The following FREM3 variants were observed in gnomAD, a reference collection of about 807,000 sequenced individuals.
FREM3 encodes the protein FRAS1-related extracellular matrix protein 3.
FREM3 carries 105 observed loss-of-function variants against 129.1 expected under a neutral mutation model. That is an observed-to-expected ratio of 0.81 (90% CI 0.69 to 0.96). The LOEUF (loss-of-function observed/expected upper bound fraction) is 0.96, where lower values mean the gene tolerates loss of function less well. Among genes scored for constraint, FREM3 ranks in the 40% least tolerant of loss-of-function variants. The pLI is 0.00. For synonymous variants in FREM3, 1,014 were observed against 1,044.9 expected, an observed-to-expected ratio of 0.97 and a Z score of 0.57; for missense variants, 2,593 against 2,666.3, an observed-to-expected ratio of 0.97 and a Z score of 0.61.
At chr4:143,582,846 G>T (rs1738170708) in intron 7 of FREM3, among the ~76,000 whole-genome samples, 1 of 151,180 alleles carries the variant, frequency 6.6e-6, no homozygotes, top group Non-Finnish European at 1.5e-5. Context: ...AACACTACAA[G>T]AATTTCATAA....
rs535379930 is a variant in FREM3 at position 143,659,786 on chromosome 4, A to C, written c.5276-32026T>G. 3.5e-3 allele frequency among the ~76,000 whole-genome samples: 523 copies of C among 151,276 alleles called. 2 individuals carry two copies. The highest frequency in any genetic ancestry group is 0.012 in the African/African-American group (508 of 41,078). ...AATGATTGCCATTCTAACTGGTGTG[A>C]GATGGTATCTCATTGTGGTTTTGAT... On this transcript the variant is annotated intron_variant, in intron 2 of 7. Coordinates refer to ENST00000329798, the MANE Select transcript of FREM3 (RefSeq NM_001168235.2).
chr4:143,700,554 T>C lies in FREM3; in HGVS notation c.122A>G (p.Asp41Gly). The change falls in exon 1 of 8, where the codon GAC becomes GGC. Residue 41 changes from aspartate to glycine, a missense_variant. Coordinates refer to ENST00000329798, the MANE Select transcript of FREM3 (RefSeq NM_001168235.2). ...GRASSLGTEP[D>G]PALYLPARGA... ...CCGGGCGGGCAGGTAAAGCGCCGGGTCGGGCTCGGTCCCAAGTGAGGATGC... is the reference window on the plus strand; with the variant it reads ...CCGGGCGGGCAGGTAAAGCGCCGGGCCGGGCTCGGTCCCAAGTGAGGATGC... 6.6e-7 allele frequency: 1 copy of C among 1,516,834 alleles called. No homozygotes were observed. Among genetic ancestry groups the C allele is most frequent in the Non-Finnish European group, 8.8e-7 (1 of 1,135,624 alleles). The allele number at this position is 1,516,834 out of a possible 1,614,324, so 94.0% of individuals were successfully genotyped here. A position where few individuals can be genotyped will look rare whatever the true frequency, so the allele number is the denominator to read the frequency against.
intron 6 of FREM3, among the ~76,000 whole-genome samples, chr4:143,598,499 A>C (rs1170800467): frequency 6.6e-6 from 1 of 152,150 alleles, no homozygotes; most frequent in Admixed American, 6.5e-5. Flanking sequence ...GGTGACACAG[A>C]AGCCAGTGTT....
chr4:143,648,951 A>T (rs1739466117), intron 2 of FREM3, among the ~76,000 whole-genome samples: 1 of 152,034 alleles, frequency 6.6e-6, no homozygotes, highest in Admixed American at 6.6e-5. Context: ...AAAAATAGAG[A>T]TAGGGTCTTG....
In FREM3 at chr4:143,614,451, C is replaced by T. The variant is rs767962333; in HGVS notation, c.5780-2924G>A. ...CCCTGGCGATTGTCTGTACATATCC[C>T]GTATTTTACAGTGAAGAGGCTTCAA... On this transcript the variant is annotated intron_variant, in intron 5 of 7. Transcript: ENST00000329798. 7.9e-5 allele frequency among the ~76,000 whole-genome samples: 12 copies of T among 152,280 alleles called. No homozygotes were observed. In the South Asian group the frequency reaches 2.5e-3, roughly 32 times the overall value.
In FREM3 at chr4:143,585,815, A is replaced by G; in HGVS notation, c.6178+29T>C. On this transcript the variant is annotated intron_variant, in intron 7 of 7. Transcript: ENST00000329798. The surrounding 1 kb of genome is among the most constrained non-coding windows in gnomAD (Gnocchi z 4.2). ...TCCACCATAAACATGTATCATGATA[A>G]TGATATATTCTTTAAGTGGCCCTCT... 2 of 1,534,694 alleles carry G rather than the reference A, an allele frequency of 1.3e-6. No homozygotes were observed. The highest frequency in any genetic ancestry group is 8.7e-7 in the Non-Finnish European group (1 of 1,144,992).
At chr4:143,626,403 G>C (rs1009294024) in intron 3 of FREM3, among the ~76,000 whole-genome samples, 3 of 152,142 alleles carry the variant, frequency 2.0e-5, no homozygotes, top group Non-Finnish European at 4.4e-5. Flanking sequence ...CAGGGGTGCT[G>C]GTTTGGACAG....
chr4:143,696,826 G>A lies in FREM3; in HGVS notation c.3850C>T (p.Leu1284=), dbSNP rs758603125. The A allele has an allele frequency of 7.4e-5, 114 of 1,537,776 alleles. 4 individuals are homozygous for A. In the South Asian group the frequency reaches 1.2e-3, roughly 16 times the overall value. The change falls in exon 1 of 8, where the codon CTG becomes TTG. Residue 1284 remains leucine (L), a synonymous_variant. Transcript: ENST00000329798. Reference sequence around the variant, plus strand: ...TGGGTTGTGTGCTTGCCGTCACTCAGCCAGACCTCAAAACTGTCCTCTTTT... The same window carrying A: ...TGGGTTGTGTGCTTGCCGTCACTCAACCAGACCTCAAAACTGTCCTCTTTT... ...ETKEDSFEVW[L]SDGKHTTHRK...
intron 6 of FREM3, among the ~76,000 whole-genome samples, chr4:143,599,853 G>A (rs913879937): frequency 2.6e-5 from 4 of 152,130 alleles, no homozygotes; most frequent in Non-Finnish European, 5.9e-5. Context: ...TGATACTAGC[G>A]CAGGATGTGG....
Position 143,693,151 on chromosome 4 carries a change from G to A in FREM3, c.5237C>T (p.Ala1746Val). ...AGAGAAATAGAAGATGTCCTTTGATGCGTTGCTGCCCTCATTCAAGACATA... is the reference window on the plus strand; with the variant it reads ...AGAGAAATAGAAGATGTCCTTTGATACGTTGCTGCCCTCATTCAAGACATA... ...ISYVLNEGSN[A>V]SKDIFYFSVE... The change falls in exon 2 of 8, where the codon GCA becomes GTA. Residue 1746 changes from alanine (A) to valine (V), a missense_variant. Physicochemically the swap from Ala to Val is moderately conservative, Grantham distance 64. Coordinates refer to ENST00000329798, the MANE Select transcript of FREM3 (RefSeq NM_001168235.2). The A allele has an allele frequency of 2.0e-6, 3 of 1,522,296 alleles. No individual in the cohort carries two copies. Among genetic ancestry groups the A allele is most frequent in the Non-Finnish European group, 2.6e-6 (3 of 1,138,260 alleles). 94.3% of individuals were successfully genotyped at this position (1,522,296 alleles called of 1,614,324 possible).
rs542056323 is a variant in FREM3 at position 143,607,792 on chromosome 4, C to T, written c.6028+3487G>A. 1.1e-3 allele frequency among the ~76,000 whole-genome samples: 167 copies of T among 152,268 alleles called. No homozygotes were observed. The Middle Eastern group carries it at 0.014, about 12-fold the overall frequency. Reference sequence around the variant, plus strand: ...TTCCTTTTGTTGCTGTAATAAATTACCACAAATTTAGTGGCTTAAAACAAC... The same window carrying T: ...TTCCTTTTGTTGCTGTAATAAATTATCACAAATTTAGTGGCTTAAAACAAC... On this transcript the variant is annotated intron_variant, in intron 6 of 7. Transcript: ENST00000329798.
At chr4:143,607,768 T>A (rs1306401317) in intron 6 of FREM3, among the ~76,000 whole-genome samples, 1 of 152,194 alleles carries the variant, frequency 6.6e-6, no homozygotes, top group Non-Finnish European at 1.5e-5. Context: ...GGTATTAGTT[T>A]CCTTTTGTTG....
Position 143,591,698 on chromosome 4 carries a change from G to C in FREM3, c.6029-5705C>G, listed in dbSNP as rs56198261. ...TTTGGAATAGGTGTGGTGTGGTGCTGAAAAGAATGTATATTCTGTTGATTT... is the reference window on the plus strand; with the variant it reads ...TTTGGAATAGGTGTGGTGTGGTGCTCAAAAGAATGTATATTCTGTTGATTT... On this transcript the variant is annotated intron_variant, in intron 6 of 7. Transcript: ENST00000329798. Among the ~76,000 whole-genome samples, 1,193 of 152,286 alleles carry C rather than the reference G, an allele frequency of 7.8e-3. 13 individuals are homozygous for C. The highest frequency in any genetic ancestry group is 0.027 in the African/African-American group (1,129 of 41,536).
At chr4:143,673,028 T>G (rs1268060156) in intron 2 of FREM3, among the ~76,000 whole-genome samples, 7 of 152,230 alleles carry the variant, frequency 4.6e-5, no homozygotes, top group African/African-American at 1.4e-4. Flanking sequence ...TTCTTTGTGA[T>G]GGGTTCGAAC....
Position 143,697,719 on chromosome 4 carries a change from A to T in FREM3, c.2957T>A (p.Phe986Tyr). The T allele has an allele frequency of 6.5e-7, 1 of 1,537,710 alleles. No individual in the cohort carries two copies. The highest frequency in any genetic ancestry group is 8.7e-7 in the Non-Finnish European group (1 of 1,147,012). The change falls in exon 1 of 8, where the codon TTC becomes TAC. Residue 986 changes from phenylalanine (F) to tyrosine (Y), a missense_variant. By Grantham distance (22) the Phe-to-Tyr change is conservative. Coordinates refer to ENST00000329798, the MANE Select transcript of FREM3 (RefSeq NM_001168235.2). ...RKDVGDLMLS[F>Y]IVKDSPKLGT... is the part of the protein sequence containing the mutation. ...CAGTTTGGGGCTGTCCTTTACAATG[A>T]AAGACAGCATCAAGTCACCTACATC...
At chr4:143,664,489 G>T (rs1739812416) in intron 2 of FREM3, among the ~76,000 whole-genome samples, 1 of 152,118 alleles carries the variant, frequency 6.6e-6, no homozygotes, top group Non-Finnish European at 1.5e-5. Context: ...GTGTCAGTCT[G>T]CCCCTACTGG....
chr4:143,637,840 C>A (rs1739259506), intron 2 of FREM3, among the ~76,000 whole-genome samples: 1 of 152,112 alleles, frequency 6.6e-6, no homozygotes. Flanking sequence ...GCTCTTAAAT[C>A]CACCTCTGCA....
In FREM3 at chr4:143,699,833, G is replaced by T; in HGVS notation, c.843C>A (p.Ser281=). ...LLGPEGQDAG[S]AGVLVREHFQ... is the part of the protein sequence containing the mutation. Reference sequence around the variant, plus strand: ...AGTGCTCGCGGACCAGCACACCCGCGGACCCAGCGTCTTGGCCCTCAGGCC... The same window carrying T: ...AGTGCTCGCGGACCAGCACACCCGCTGACCCAGCGTCTTGGCCCTCAGGCC... The change falls in exon 1 of 8, where the codon TCC becomes TCA. Residue 281 remains serine, a synonymous_variant. Coordinates refer to ENST00000329798, the MANE Select transcript of FREM3 (RefSeq NM_001168235.2). The surrounding 1 kb of genome is among the most constrained non-coding windows in gnomAD (Gnocchi z 4.2). The T allele has an allele frequency of 6.5e-7, 1 of 1,536,558 alleles. No individual in the cohort carries two copies. Among genetic ancestry groups the T allele is most frequent in the South Asian group, 1.2e-5 (1 of 84,062 alleles).
At chr4:143,624,068 C>CT in intron 4 of FREM3, 40 bp downstream of exon 4, 1 of 1,190,122 alleles carries the variant, frequency 8.4e-7, no homozygotes, top group South Asian at 1.3e-5. Context: ...AGCCAAGAAC[C>CT]TGTACTGGTT....
Sources: gnomAD v4.1 joint callset for allele counts (sites outside exome capture counted in the v4.1 genomes callset) on GRCh38, gnomAD v4.1.1 for gene constraint, Gnocchi (gnomAD v3.1) non-coding constraint, MANE v1.5 for transcripts, NCBI Gene and HGNC (gene_info 2026-07-23, HGNC 2026-07-21) for gene names.